The following ZNF658 variants were observed in gnomAD, a reference collection of about 807,000 sequenced individuals.
The protein encoded by ZNF658 is zinc finger protein 658.
A neutral mutation model predicts 78.0 loss-of-function variants in ZNF658; 46 were observed. The ratio of observed to expected loss-of-function variants is 0.59; its 90% CI spans 0.47 to 0.75. The LOEUF (loss-of-function observed/expected upper bound fraction) is 0.75, where lower values mean the gene tolerates loss of function less well. Ranked by LOEUF, ZNF658 falls within the 30% of genes least tolerant of loss-of-function variation. The pLI is 0.00. For synonymous variants in ZNF658, 279 were observed against 408.4 expected (o/e 0.68, Z 3.82); for missense variants, 785 against 1,189.3 (o/e 0.66, Z 5.00).
chr9:66,905,107 G>A (rs1397123366), intron 2 of ZNF658, among the ~76,000 whole-genome samples: 15 of 92,728 alleles, frequency 1.6e-4, no homozygotes, highest in African/African-American at 4.4e-4. Context: ...ACAGTCTCTC[G>A]CTCTGTCACC....
At chr9:66,909,185 G>A (rs1822155074) in intron 4 of ZNF658, among the ~76,000 whole-genome samples, 1 of 152,046 alleles carries the variant, frequency 6.6e-6, no homozygotes, top group Admixed American at 6.5e-5. Flanking sequence ...GACTGTATAT[G>A]CAGACATCAC....
chr9:66,910,117 G>A (rs917196396), intron 4 of ZNF658, among the ~76,000 whole-genome samples: 1 of 152,114 alleles, frequency 6.6e-6, no homozygotes, highest in African/African-American at 2.4e-5. Flanking sequence ...CTCCTTGAAG[G>A]CCTTGTCTGC....
rs201179169 is a variant in ZNF658 at position 66,918,150 on chromosome 9, C to T, written c.584C>T (p.Ala195Val). Residue 195 changes from alanine (A) to valine (V), a missense_variant, in exon 5 of 5, where the codon GCT (alanine) becomes GTT (valine). Ala to Val is a moderately conservative substitution (Grantham distance 64, BLOSUM62 0). This residue lies in a region of ZNF658 where 393 missense variants were observed against 400.2 expected (regional missense o/e 0.98). Transcript: ENST00000621410. Reference protein sequence around the residue: ...EEKSYEHGENAKAFSYKKDQH... With the variant: ...EEKSYEHGENVKAFSYKKDQH... Reference sequence around the variant, plus strand: ...AAATCTTATGAACATGGTGAAAATGCTAAAGCTTTCAGTTATAAGAAAGAT... The same window carrying T: ...AAATCTTATGAACATGGTGAAAATGTTAAAGCTTTCAGTTATAAGAAAGAT... 1.9e-6 allele frequency: 3 copies of T among 1,598,826 alleles called. No individual in the cohort carries two copies. Among genetic ancestry groups the T allele is most frequent in the African/African-American group, 1.4e-5 (1 of 73,842 alleles).
intron 6 of ZNF658, among the ~76,000 whole-genome samples, chr9:66,929,735 G>T: frequency 2.3e-5 from 2 of 85,328 alleles, no homozygotes; most frequent in Non-Finnish European, 2.4e-5. Flanking sequence ...GAAGAATTGA[G>T]CTAACTCAGA....
downstream of ZNF658, among the ~76,000 whole-genome samples, chr9:66,923,549 CA>C (rs1229897197): frequency 7.3e-6 from 1 of 136,324 alleles, no homozygotes; most frequent in African/African-American, 2.8e-5. Context: ...GCCTGCAAGT[CA>C]TAAGTGGATT....
At chr9:66,901,895 T>C (rs1056730875) in intron 1 of ZNF658, among the ~76,000 whole-genome samples, 15 of 152,054 alleles carry the variant, frequency 9.9e-5, no homozygotes, top group Admixed American at 7.2e-4. Context: ...TGAGCCAAGA[T>C]TGCACCACTG....
rs928440186 is a variant in ZNF658 at position 66,919,999 on chromosome 9, A to C, written c.2433A>C (p.Ala811=). 6.2e-7 allele frequency: 1 copy of C among 1,610,814 alleles called. No homozygotes were observed. The highest frequency in any genetic ancestry group is 8.5e-7 in the Non-Finnish European group (1 of 1,179,312). The part of the protein sequence containing the change: ...NVCGKTFVYK[A]ALIVHQRIHT... ...GTGGGAAAACTTTTGTCTATAAGGC[A>C]GCCCTCATAGTGCATCAAAGAATTC... Residue 811 remains alanine (A), a synonymous_variant, in exon 5 of 5, where the codon GCA becomes GCC. Coordinates refer to ENST00000621410, the MANE Select transcript of ZNF658 (RefSeq NM_033160.7).
Position 66,921,288 on chromosome 9 carries a change from A to C in ZNF658, c.*542A>C, listed in dbSNP as rs1278539107. The C allele has an allele frequency of 6.5e-6, 1 of 154,338 alleles. No individual in the cohort carries two copies. The highest frequency in any genetic ancestry group is 2.4e-5 in the African/African-American group (1 of 41,438). 9.6% of individuals were successfully genotyped at this position (154,338 alleles called of 1,614,324 possible). A position where few individuals can be genotyped will look rare whatever the true frequency, so the allele number is the denominator to read the frequency against. On this transcript the variant is annotated 3_prime_UTR_variant, in exon 5 of 5. Coordinates refer to ENST00000621410, the MANE Select transcript of ZNF658 (RefSeq NM_033160.7). Reference sequence around the variant, plus strand: ...GTTTATTGTGCATCAGAGACGTCACATGAAGAAGAAAACTTGTCGACATCC... The same window carrying C: ...GTTTATTGTGCATCAGAGACGTCACCTGAAGAAGAAAACTTGTCGACATCC...
intron 4 of ZNF658, among the ~76,000 whole-genome samples, chr9:66,916,096 G>T (rs959185058): frequency 6.7e-6 from 1 of 150,056 alleles, no homozygotes; most frequent in African/African-American, 2.5e-5. Flanking sequence ...CACCATGTTG[G>T]TCAGGCTGGT....
At chr9:66,929,129 G>T (rs1345374046) in intron 6 of ZNF658, among the ~76,000 whole-genome samples, 2 of 151,724 alleles carry the variant, frequency 1.3e-5, no homozygotes, top group East Asian at 3.9e-4. Flanking sequence ...ATGAATAAAT[G>T]AAAAATCATT....
chr9:66,927,445 G>A (rs1379272898), intron 6 of ZNF658, among the ~76,000 whole-genome samples: 1 of 152,016 alleles, frequency 6.6e-6, no homozygotes, highest in Non-Finnish European at 1.5e-5. Context: ...AAGAATGAAC[G>A]TTCTTCAAAA....
downstream of ZNF658, among the ~76,000 whole-genome samples, chr9:66,922,205 C>T (rs1822537742): frequency 1.4e-5 from 2 of 146,864 alleles, no homozygotes; most frequent in Non-Finnish European, 3.0e-5. Flanking sequence ...TGGAAAAGCA[C>T]AGTATTAGGG....
In ZNF658 at chr9:66,919,682, A is replaced by C. The variant is rs773598961; in HGVS notation, c.2116A>C (p.Arg706=). The change falls in exon 5 of 5, where the codon AGA becomes CGA. Residue 706 remains arginine, a synonymous_variant. Coordinates refer to ENST00000621410, the MANE Select transcript of ZNF658 (RefSeq NM_033160.7). ...TAATTCAGCCCTCAAAATACATCAG[A>C]GAATTCACACGGGGGAGAAACCCTA... ...AHNSALKIHQ[R]IHTGEKPYEC... is the part of the protein sequence containing the mutation. 9.8e-5 allele frequency: 158 copies of C among 1,612,848 alleles called. No individual in the cohort carries two copies. The highest frequency in any genetic ancestry group is 1.2e-4 in the Non-Finnish European group (146 of 1,179,930).
At position 66,919,754 on chromosome 9, in the gene ZNF658, A is replaced by G; in HGVS notation, c.2188A>G (p.Arg730Gly). The G allele has an allele frequency of 6.2e-7, 1 of 1,612,188 alleles. No homozygotes were observed. The highest frequency in any genetic ancestry group is 8.5e-7 in the Non-Finnish European group (1 of 1,179,820). The change falls in exon 5 of 5, where the codon AGA becomes GGA. Residue 730 changes from arginine to glycine, a missense_variant. Arg to Gly is a moderately radical substitution (Grantham distance 125, BLOSUM62 -2). This residue lies in a region of ZNF658 where 75 missense variants were observed against 147.1 expected (regional missense o/e 0.51). Coordinates refer to ENST00000621410, the MANE Select transcript of ZNF658 (RefSeq NM_033160.7). ...AACATTTGCCCATAATTCAGCCCTT[A>G]GAGCACATCAGAATATCCACACAGG... is the stretch of plus-strand genomic sequence containing the variant. ...EKTFAHNSAL[R>G]AHQNIHTGEK...
rs1011991100 is a variant in ZNF658 at position 66,908,873 on chromosome 9, C to G, written c.238+139C>G. 40 of 616,428 alleles carry G rather than the reference C, an allele frequency of 6.5e-5. No homozygotes were observed. The African/African-American group carries it at 6.7e-4, about 10-fold the overall frequency. The allele number at this position is 616,428 out of a possible 1,614,324, so 38.2% of individuals were successfully genotyped here. ...ATTCACTCCTTTAAAGTGTACAGGT[C>G]AGTGACTTCAAGCAACCACAGATCA... On this transcript the variant is annotated intron_variant, in intron 4 of 4. Coordinates refer to ENST00000621410, the MANE Select transcript of ZNF658 (RefSeq NM_033160.7).
At chr9:66,906,766 A>G (rs1822089748) in intron 2 of ZNF658, among the ~76,000 whole-genome samples, 1 of 143,548 alleles carries the variant, frequency 7.0e-6, no homozygotes, top group Non-Finnish European at 1.5e-5. Context: ...AGAGGGATGG[A>G]TATAGGGCAG....
Position 66,921,212 on chromosome 9 carries a change from T to C in ZNF658, c.*466T>C, listed in dbSNP as rs1444382234. On this transcript the variant is annotated 3_prime_UTR_variant, in exon 5 of 5. Coordinates refer to ENST00000621410, the MANE Select transcript of ZNF658 (RefSeq NM_033160.7). ...ACGTAGTTTAGCTTAAACTTTATGTTAGAGTGAGATGAAACCCTATGAATA... is the reference window on the plus strand; with the variant it reads ...ACGTAGTTTAGCTTAAACTTTATGTCAGAGTGAGATGAAACCCTATGAATA... 6.3e-6 allele frequency: 1 copy of C among 159,102 alleles called. No individual in the cohort carries two copies. The highest frequency in any genetic ancestry group is 1.4e-5 in the Non-Finnish European group (1 of 71,674). The allele number at this position is 159,102 out of a possible 1,614,324, so 9.9% of individuals were successfully genotyped here. A position where few individuals can be genotyped will look rare whatever the true frequency, so the allele number is the denominator to read the frequency against.
At chr9:66,907,720 G>A (rs1474798466) in intron 2 of ZNF658, among the ~76,000 whole-genome samples, 3 of 152,338 alleles carry the variant, frequency 2.0e-5, no homozygotes, top group Middle Eastern at 6.8e-3. Flanking sequence ...CTTCTCTTCT[G>A]TGATTATATC....
chr9:66,920,855 G>A lies in ZNF658; in HGVS notation c.*109G>A, dbSNP rs1192475466. The A allele has an allele frequency of 5.1e-5, 35 of 683,220 alleles. No individual in the cohort carries two copies. In the Admixed American group the frequency reaches 8.9e-4, roughly 17 times the overall value. The allele number at this position is 683,220 out of a possible 1,614,324, so 42.3% of individuals were successfully genotyped here. A position where few individuals can be genotyped will look rare whatever the true frequency, so the allele number is the denominator to read the frequency against. ...TTTTTCATTAGGCTCATAGTTTGTG[G>A]AAAAATCCCAATATGCCGTTTATTC... On this transcript the variant is annotated 3_prime_UTR_variant, in exon 5 of 5. Transcript: ENST00000621410.
Sources: allele counts gnomAD v4.1 joint callset (sites outside exome capture counted in the v4.1 genomes callset), GRCh38; gene constraint gnomAD v4.1.1; regional missense constraint gnomAD v4.1.1; transcripts MANE v1.5; gene names NCBI Gene and HGNC (gene_info 2026-07-23, HGNC 2026-07-21).